RTF1: variants seen among roughly 807,000 people sequenced by gnomAD.
RTF1 encodes the protein RTF1 homolog, Paf1/RNA polymerase II complex component.
RTF1 carries 10 observed loss-of-function variants against 95.7 expected under a neutral mutation model. The observed-to-expected ratio is 0.10, with a 90% CI of 0.06 to 0.18. RTF1 has a LOEUF of 0.18. Among genes scored for constraint, RTF1 ranks in the 10% least tolerant of loss-of-function variants. The probability of loss-of-function intolerance (pLI) is 1.00; values close to 1 mark genes in which losing one functional copy is unlikely to be tolerated. For missense variants in RTF1, 458 were observed against 875.6 expected, an observed-to-expected ratio of 0.52 and a Z score of 6.02; for synonymous variants, 305 against 311.8, an observed-to-expected ratio of 0.98 and a Z score of 0.23.
intron 2 of RTF1, among the ~76,000 whole-genome samples, chr15:41,450,703 A>T (rs1231349159): frequency 2.0e-5 from 3 of 152,154 alleles, no homozygotes; most frequent in Non-Finnish European, 4.4e-5. Flanking sequence ...TAATCCCAGC[A>T]CTTTGGGAGG....
chr15:41,446,660 C>T (rs2050764999), intron 2 of RTF1, among the ~76,000 whole-genome samples: 1 of 152,184 alleles, frequency 6.6e-6, no homozygotes, highest in African/African-American at 2.4e-5. Flanking sequence ...TCCTTTTAGT[C>T]TCACACTACC....
At chr15:41,468,426 T>C (rs1327955242) in intron 6 of RTF1, among the ~76,000 whole-genome samples, 1 of 151,980 alleles carries the variant, frequency 6.6e-6, no homozygotes, top group Admixed American at 6.6e-5. Context: ...CACACCATTC[T>C]CCTGCCTCAG....
chr15:41,480,376 G>C, intron 17 of RTF1, 51 bp downstream of exon 17: 1 of 1,279,926 alleles, frequency 7.8e-7, no homozygotes, highest in Non-Finnish European at 1.1e-6. Context: ...ATGGATCCAT[G>C]GTTTTCTGGG....
In RTF1 at chr15:41,430,006, C is replaced by CTTTTTTTTTTTTTTT. The variant is rs1410593149; in HGVS notation, c.199-8311_199-8310insTTTTTTTTTTTTTTT. On this transcript the variant is annotated intron_variant, in intron 1 of 17. Coordinates refer to ENST00000389629, the MANE Select transcript of RTF1 (RefSeq NM_015138.5). ...TTTAATTTAATTTATTTTATTTTTT[C>CTTTTTTTTTTTTTTT]TTTTCTTTTTTTTTTTTTTGAGACA... Among the ~76,000 whole-genome samples, 32 of 143,054 alleles carry CTTTTTTTTTTTTTTT rather than the reference C, an allele frequency of 2.2e-4. 1 individual carries two copies. Among genetic ancestry groups the CTTTTTTTTTTTTTTT allele is most frequent in the East Asian group, 6.4e-4 (3 of 4,698 alleles). 93.8% of individuals were successfully genotyped at this position (143,054 alleles called of 152,430 possible).
chr15:41,434,962 C>CT (rs36045578), intron 1 of RTF1, among the ~76,000 whole-genome samples: 1,438 of 131,722 alleles, frequency 0.011, 21 homozygotes, highest in African/African-American at 0.034. Context: ...TACAGTAACT[C>CT]TTTTTTTTTT....
intron 1 of RTF1, among the ~76,000 whole-genome samples, chr15:41,430,270 TACAACC>T (rs1421682849): frequency 2.0e-5 from 3 of 149,218 alleles, no homozygotes; most frequent in African/African-American, 7.4e-5. Flanking sequence ...TCTGGTTCAC[TACAACC>T]TCCACCTCCC....
At chr15:41,463,250 C>A (rs1478702520) in intron 4 of RTF1, among the ~76,000 whole-genome samples, 1 of 152,056 alleles carries the variant, frequency 6.6e-6, no homozygotes, top group Non-Finnish European at 1.5e-5. Flanking sequence ...TGTGGTGTTT[C>A]CTCCTTTTTG....
intron 4 of RTF1, among the ~76,000 whole-genome samples, chr15:41,458,489 G>A (rs951357983): frequency 6.6e-6 from 1 of 152,114 alleles, no homozygotes; most frequent in African/African-American, 2.4e-5. Flanking sequence ...GCATTCTAAA[G>A]GGAATTACAT....
At chr15:41,475,877 C>A in intron 11 of RTF1, 58 bp downstream of exon 11, 1 of 838,728 alleles carries the variant, frequency 1.2e-6, no homozygotes. Context: ...GTTGAGAGAA[C>A]ATGATTCTCT....
At chr15:41,470,864 T>C (rs563161583) in intron 7 of RTF1, among the ~76,000 whole-genome samples, 2 of 152,100 alleles carry the variant, frequency 1.3e-5, no homozygotes, top group East Asian at 3.9e-4. Flanking sequence ...TTCACTGTTT[T>C]AGCCGGGATG....
chr15:41,432,448 C>T (rs1317616742), intron 1 of RTF1, among the ~76,000 whole-genome samples: 9 of 151,812 alleles, frequency 5.9e-5, no homozygotes, highest in African/African-American at 2.2e-4. Context: ...CCACCCACCT[C>T]AGCCTCCCAA....
At chr15:41,447,014 G>C (rs1332890461) in intron 2 of RTF1, among the ~76,000 whole-genome samples, 4 of 152,062 alleles carry the variant, frequency 2.6e-5, no homozygotes, top group Non-Finnish European at 5.9e-5. Context: ...TGTTGGCCAG[G>C]CTGGTCTTGA....
chr15:41,423,357 C>T (rs2050612102), intron 1 of RTF1, among the ~76,000 whole-genome samples: 1 of 151,872 alleles, frequency 6.6e-6, no homozygotes, highest in South Asian at 2.1e-4. Context: ...AGAGTGAGTC[C>T]CATGGGAGCT....
intron 1 of RTF1, among the ~76,000 whole-genome samples, chr15:41,419,264 CTACCATTTATATAGTGCCTAGAG>C (rs2050588711): frequency 6.6e-6 from 1 of 152,130 alleles, no homozygotes; most frequent in Non-Finnish European, 1.5e-5. Flanking sequence ...ACAACATTGG[CTACCATTTATATAGTGCCTAGAG>C]TAGGCACTTT....
At chr15:41,452,620 A>G (rs1461955938) in intron 2 of RTF1, among the ~76,000 whole-genome samples, 1 of 152,070 alleles carries the variant, frequency 6.6e-6, no homozygotes, top group Non-Finnish European at 1.5e-5. Flanking sequence ...TGTAGTCCCA[A>G]CTACTCCAGA....
At position 41,450,965 on chromosome 15, in the gene RTF1, A is replaced by AG. The variant is rs1356507263; in HGVS notation, c.310-1936_310-1935insG. Among the ~76,000 whole-genome samples the AG allele has an allele frequency of 2.0e-5, 3 of 152,126 alleles. No individual in the cohort carries two copies. The South Asian group carries it at 6.2e-4, about 32-fold the overall frequency. On this transcript the variant is annotated intron_variant, in intron 2 of 17. Transcript: ENST00000389629. ...AGACCCTGGCTCAAAAACAAAAAAA[A>AG]AGATTAAAAATAGCACCCTTTTACA... is the stretch of plus-strand genomic sequence containing the variant.
chr15:41,476,897 T>C (rs967847697), intron 12 of RTF1, among the ~76,000 whole-genome samples: 10 of 152,232 alleles, frequency 6.6e-5, no homozygotes, highest in African/African-American at 2.4e-4. Context: ...TATGGTGGTT[T>C]AGCCACCCTG....
rs184943570 is a variant in RTF1 at position 41,433,369 on chromosome 15, C to G, written c.199-4952C>G. On this transcript the variant is annotated intron_variant, in intron 1 of 17. Transcript: ENST00000389629. Reference sequence around the variant, plus strand: ...TGCCTTTTTGAGACAGAGTCTCACTCTGTTGCCCAGGCTGGAGTGCACTGG... The same window carrying G: ...TGCCTTTTTGAGACAGAGTCTCACTGTGTTGCCCAGGCTGGAGTGCACTGG... Among the ~76,000 whole-genome samples the G allele has an allele frequency of 1.8e-3, 273 of 152,300 alleles. 9 individuals carry two copies. The South Asian group carries it at 0.036, about 20-fold the overall frequency.
In RTF1 at chr15:41,466,213, G is replaced by C. The variant is rs2050879680; in HGVS notation, c.850G>C (p.Glu284Gln). The C allele has an allele frequency of 6.3e-7, 1 of 1,592,844 alleles. No individual in the cohort carries two copies. The highest frequency in any genetic ancestry group is 8.5e-7 in the Non-Finnish European group (1 of 1,170,700). ...KLDKKSQAME[E>Q]LKAEREKRKN... ...AGACAAGAAATCTCAAGCCATGGAG[G>C]AGCTAAAAGCAGAGCGAGAAAAACG... Residue 284 changes from glutamate to glutamine, a missense_variant, in exon 6 of 18, where the codon GAG (glutamate) becomes CAG (glutamine). This residue lies in a region of RTF1 where 7 missense variants were observed against 54.3 expected (regional missense o/e 0.13). Transcript: ENST00000389629.
Sources: allele counts gnomAD v4.1 joint callset (sites outside exome capture counted in the v4.1 genomes callset), GRCh38; gene constraint gnomAD v4.1.1; regional missense constraint gnomAD v4.1.1; transcripts MANE v1.5; gene names NCBI Gene and HGNC (gene_info 2026-07-23, HGNC 2026-07-21).